Variants in BMPR1B observed in about 807,000 individuals in gnomAD.
BMPR1B encodes the protein bone morphogenetic protein receptor type 1B, also known as bone morphogenetic protein receptor type-1B.
BMPR1B carries 12 observed loss-of-function variants against 59.1 expected under a neutral mutation model. The observed-to-expected ratio is 0.20, with a 90% CI of 0.13 to 0.33. The LOEUF is 0.33. Ranked by LOEUF, BMPR1B falls within the 10% of genes least tolerant of loss-of-function variation. The probability of loss-of-function intolerance (pLI) is 1.00; values close to 1 mark genes in which losing one functional copy is unlikely to be tolerated. For synonymous variants in BMPR1B, 237 were observed against 207.3 expected (o/e 1.14, Z -1.23); for missense variants, 550 against 610.9 (o/e 0.90, Z 1.05).
intron 8 of BMPR1B, 119 bp downstream of exon 8, chr4:95,125,240 G>C (rs1037119012): frequency 7.6e-7 from 1 of 1,309,786 alleles, no homozygotes; most frequent in Non-Finnish European, 1.1e-6. Context: ...TATGCAGTCT[G>C]TTGGACATCC....
chr4:94,991,590 TAGA>T (rs1721764630), intron 2 of BMPR1B, among the ~76,000 whole-genome samples: 1 of 151,966 alleles, frequency 6.6e-6, no homozygotes. Context: ...ATATAGCAAA[TAGA>T]AGGATACCAA....
At position 95,028,995 on chromosome 4, in the gene BMPR1B, C is replaced by T. The variant is rs138447942; in HGVS notation, c.-18+32861C>T. Reference sequence around the variant, plus strand: ...TTTGTTAGAGGTAAAGTTTATATCACGATAATTGAAATGATCTCTTATCTG... The same window carrying T: ...TTTGTTAGAGGTAAAGTTTATATCATGATAATTGAAATGATCTCTTATCTG... On this transcript the variant is annotated intron_variant, in intron 3 of 12. Transcript: ENST00000515059. 1.3e-3 allele frequency among the ~76,000 whole-genome samples: 199 copies of T among 151,438 alleles called. 2 individuals carry two copies. Among genetic ancestry groups the T allele is most frequent in the African/African-American group, 4.7e-3 (195 of 41,156 alleles).
chr4:94,827,786 G>A (rs1724437601), intron 1 of BMPR1B, among the ~76,000 whole-genome samples: 1 of 152,148 alleles, frequency 6.6e-6, no homozygotes, highest in Admixed American at 6.6e-5. Flanking sequence ...GATTAAAAGG[G>A]AGGAGAAAGA....
chr4:94,850,443 C>T (rs1725524833), intron 1 of BMPR1B, among the ~76,000 whole-genome samples: 1 of 152,060 alleles, frequency 6.6e-6, no homozygotes, highest in Non-Finnish European at 1.5e-5. Context: ...GTAATGTAAA[C>T]AATCTTTCAA....
At chr4:94,826,673 C>T (rs1343586935) in intron 1 of BMPR1B, among the ~76,000 whole-genome samples, 1 of 151,608 alleles carries the variant, frequency 6.6e-6, no homozygotes, top group Non-Finnish European at 1.5e-5. Flanking sequence ...AAAATGGAAA[C>T]ATGCATAATT....
intron 2 of BMPR1B, among the ~76,000 whole-genome samples, chr4:94,881,953 A>G (rs1014463949): frequency 6.6e-6 from 1 of 152,156 alleles, no homozygotes; most frequent in Non-Finnish European, 1.5e-5. Flanking sequence ...AACCCTGGCT[A>G]TGCACCTGGC....
chr4:95,110,835 C>A (rs550322674), intron 4 of BMPR1B, among the ~76,000 whole-genome samples: 5 of 152,170 alleles, frequency 3.3e-5, no homozygotes, highest in Non-Finnish European at 5.9e-5. Flanking sequence ...GTAAAACATA[C>A]CACTGTTAAC....
At chr4:95,109,379 A>C (rs545722536) in intron 4 of BMPR1B, among the ~76,000 whole-genome samples, 1 of 152,214 alleles carries the variant, frequency 6.6e-6, no homozygotes, top group South Asian at 2.1e-4. Flanking sequence ...GGAAGAAGGA[A>C]AAGCTTAGGG....
In BMPR1B at chr4:95,155,165, C is replaced by CCGTTCT; in HGVS notation, c.*492_*493insCGTTCT. 5.8e-6 allele frequency: 1 copy of CCGTTCT among 171,898 alleles called. No individual in the cohort carries two copies. Among genetic ancestry groups the CCGTTCT allele is most frequent in the South Asian group, 1.4e-4 (1 of 7,078 alleles). 10.6% of individuals were successfully genotyped at this position (171,898 alleles called of 1,614,324 possible). On this transcript the variant is annotated 3_prime_UTR_variant, in exon 13 of 13. Transcript: ENST00000515059. ...CCAAAAGACAGTCTAAGTTGGAGGACATAGAACGGAACTCATCTTAAACAT... is the reference window on the plus strand; with the variant it reads ...CCAAAAGACAGTCTAAGTTGGAGGACCGTTCTATAGAACGGAACTCATCTTAAACAT...
At chr4:94,837,783 T>A (rs1407120722) in intron 1 of BMPR1B, among the ~76,000 whole-genome samples, 1 of 143,380 alleles carries the variant, frequency 7.0e-6, no homozygotes, top group Non-Finnish European at 1.5e-5. Flanking sequence ...TGGCCAGAAC[T>A]TCCAACACCA....
chr4:95,131,620 T>G (rs1733366606), intron 10 of BMPR1B, 108 bp downstream of exon 10: 6 of 1,300,736 alleles, frequency 4.6e-6, no homozygotes, highest in Non-Finnish European at 6.5e-6. Context: ...TATCATTAAT[T>G]TTGACATTTG....
At chr4:95,048,446 A>G (rs1726199103) in intron 3 of BMPR1B, among the ~76,000 whole-genome samples, 1 of 152,100 alleles carries the variant, frequency 6.6e-6, no homozygotes, top group Admixed American at 6.6e-5. Flanking sequence ...CCTTTTCTCC[A>G]CAGCCTTGCC....
rs1436902160 is a variant in BMPR1B at position 95,156,616 on chromosome 4, T to C, written c.*1943T>C. On this transcript the variant is annotated 3_prime_UTR_variant, in exon 13 of 13. Transcript: ENST00000515059. Reference sequence around the variant, plus strand: ...CAGTGCTTCATAGCTGCATTTTGTTTGTAACTAAGACAGAAGAATTTCGTA... The same window carrying C: ...CAGTGCTTCATAGCTGCATTTTGTTCGTAACTAAGACAGAAGAATTTCGTA... 1.3e-5 allele frequency: 2 copies of C among 151,986 alleles called. No homozygotes were observed. Among genetic ancestry groups the C allele is most frequent in the Non-Finnish European group, 2.9e-5 (2 of 67,982 alleles). The allele number at this position is 151,986 out of a possible 1,614,324, so 9.4% of individuals were successfully genotyped here.
In BMPR1B at chr4:95,061,195, A is replaced by T. The variant is rs927883725; in HGVS notation, c.-17-43213A>T. Among the ~76,000 whole-genome samples, 7 of 116,970 alleles carry T rather than the reference A, an allele frequency of 6.0e-5. No homozygotes were observed. In the Admixed American group the frequency reaches 6.1e-4, roughly 10 times the overall value. The allele number at this position is 116,970 out of a possible 152,430, so 76.7% of individuals were successfully genotyped here. A position where few individuals can be genotyped will look rare whatever the true frequency, so the allele number is the denominator to read the frequency against. On this transcript the variant is annotated intron_variant, in intron 3 of 12. Transcript: ENST00000515059. ...CACACACACACACACACACACACAC[A>T]CACACACACACACACCACACACCCC... is the stretch of plus-strand genomic sequence containing the variant.
intron 2 of BMPR1B, among the ~76,000 whole-genome samples, chr4:94,981,003 A>ACACGCGCGTACGCGCGCG (rs1553923777): frequency 4.4e-5 from 4 of 90,842 alleles, no homozygotes; most frequent in Non-Finnish European, 9.6e-5. Context: ...ACACACACAC[A>ACACGCGCGTACGCGCGCG]CACACACACA....
At chr4:95,136,183 C>G (rs1733768979) in intron 10 of BMPR1B, among the ~76,000 whole-genome samples, 5 of 152,070 alleles carry the variant, frequency 3.3e-5, no homozygotes, top group Admixed American at 3.3e-4. Context: ...AAGTCCAGGA[C>G]CAGACGGACT....
intron 3 of BMPR1B, among the ~76,000 whole-genome samples, chr4:95,063,634 A>T (rs973267511): frequency 9.2e-5 from 14 of 152,218 alleles, no homozygotes; most frequent in African/African-American, 3.4e-4. Context: ...ATTCAAAAAT[A>T]TGCAAAACCA....
intron 10 of BMPR1B, among the ~76,000 whole-genome samples, chr4:95,139,532 G>A (rs1734058597): frequency 6.6e-6 from 1 of 152,222 alleles, no homozygotes; most frequent in African/African-American, 2.4e-5. Flanking sequence ...ACAGAGGCAG[G>A]CAGGCGTCCT....
chr4:95,038,598 C>T (rs887786904), intron 3 of BMPR1B, among the ~76,000 whole-genome samples: 2 of 152,154 alleles, frequency 1.3e-5, no homozygotes, highest in Non-Finnish European at 2.9e-5. Context: ...TGCCTAACTT[C>T]ATAAATATTT....
Sources: allele counts gnomAD v4.1 joint callset (sites outside exome capture counted in the v4.1 genomes callset), GRCh38; gene constraint gnomAD v4.1.1; transcripts MANE v1.5; gene names NCBI Gene and HGNC (gene_info 2026-07-23, HGNC 2026-07-21).